LHFPL2: variants seen among roughly 807,000 people sequenced by gnomAD.
The protein encoded by LHFPL2 is LHFPL tetraspan subfamily member 2, also known as LHFPL tetraspan subfamily member 2 protein.
A neutral mutation model predicts 17.5 loss-of-function variants in LHFPL2; 7 were observed. The ratio of observed to expected loss-of-function variants is 0.40; its 90% CI spans 0.23 to 0.75. LHFPL2 has a LOEUF of 0.75. LHFPL2 is among the 30% of genes least tolerant of loss of function. The pLI is 0.37. For synonymous variants in LHFPL2, 134 were observed against 116.2 expected, an observed-to-expected ratio of 1.15 and a Z score of -0.99; for missense variants, 241 against 294.8, an observed-to-expected ratio of 0.82 and a Z score of 1.34.
intron 3 of LHFPL2, among the ~76,000 whole-genome samples, chr5:78,518,516 G>T (rs999870680): frequency 6.6e-6 from 1 of 152,242 alleles, no homozygotes; most frequent in Non-Finnish European, 1.5e-5. Context: ...CTTCAGTGCA[G>T]CTTCCAAAGG....
At chr5:78,512,644 C>CA (rs1207947262) in intron 3 of LHFPL2, among the ~76,000 whole-genome samples, 1 of 152,016 alleles carries the variant, frequency 6.6e-6, no homozygotes, top group African/African-American at 2.4e-5. Flanking sequence ...ACTTTGGGCC[C>CA]ACAGGTGGCA....
chr5:78,574,807 G>C (rs140814056), intron 2 of LHFPL2, among the ~76,000 whole-genome samples: 2 of 152,202 alleles, frequency 1.3e-5, no homozygotes, highest in South Asian at 2.1e-4. Context: ...CTGAGCTTTC[G>C]CTTACATGAA....
At chr5:78,530,874 A>G (rs1000679197) in intron 3 of LHFPL2, among the ~76,000 whole-genome samples, 1 of 152,214 alleles carries the variant, frequency 6.6e-6, no homozygotes, top group Non-Finnish European at 1.5e-5. Context: ...GTGTCCCTTC[A>G]ACTACAAGTT....
chr5:78,548,874 A>G (rs1195377224), intron 3 of LHFPL2, among the ~76,000 whole-genome samples: 1 of 152,248 alleles, frequency 6.6e-6, no homozygotes, highest in African/African-American at 2.4e-5. Context: ...TTTAAACCAG[A>G]AAAGCCTCCT....
rs1169590766 is a variant in LHFPL2, at chr5:78,509,787, C to A, written c.427G>T (p.Ala143Ser). ...FNVCGLLQGI[A>S]GLFLILGLIL... is the part of the protein sequence containing the mutation. ...GCCCGGGGTCCTGCCTTCTTACCTG[C>A]AATTCCTTGCAACAGCCCACAGACA... Residue 143 changes from alanine (A) to serine (S), a missense_variant, in exon 4 of 5, where the codon GCA (alanine) becomes TCA (serine). By Grantham distance (99) the Ala-to-Ser change is moderately conservative (BLOSUM62 1). Coordinates refer to ENST00000380345, the MANE Select transcript of LHFPL2 (RefSeq NM_005779.3). 6.2e-7 allele frequency: 1 copy of A among 1,608,824 alleles called. No individual in the cohort carries two copies. Among genetic ancestry groups the A allele is most frequent in the Admixed American group, 1.7e-5 (1 of 59,888 alleles).
intron 4 of LHFPL2, among the ~76,000 whole-genome samples, chr5:78,495,413 C>G (rs189193374): frequency 1.3e-5 from 2 of 152,278 alleles, no homozygotes; most frequent in East Asian, 3.9e-4. Flanking sequence ...TTTGTTCCTG[C>G]CTGAAAAGGG....
intron 3 of LHFPL2, among the ~76,000 whole-genome samples, chr5:78,544,171 C>T (rs955394613): frequency 3.2e-4 from 48 of 152,202 alleles, no homozygotes; most frequent in Non-Finnish European, 7.3e-5. Flanking sequence ...ATAGTTTGTC[C>T]TCTTACTTGA....
chr5:78,566,475 T>G (rs1756863000), intron 2 of LHFPL2, among the ~76,000 whole-genome samples: 1 of 152,162 alleles, frequency 6.6e-6, no homozygotes, highest in African/African-American at 2.4e-5. Context: ...AAGACTTTTT[T>G]TTTTTTGAGA....
chr5:78,498,419 A>G (rs1754674915), intron 4 of LHFPL2, among the ~76,000 whole-genome samples: 1 of 152,064 alleles, frequency 6.6e-6, no homozygotes, highest in Admixed American at 6.5e-5. Flanking sequence ...TACGTTTTTA[A>G]TCTTTCCCCA....
At chr5:78,582,034 A>G (rs1743165947) in intron 2 of LHFPL2, among the ~76,000 whole-genome samples, 1 of 152,180 alleles carries the variant, frequency 6.6e-6, no homozygotes, top group South Asian at 2.1e-4. Context: ...TGTATGTGTC[A>G]AGGAATTTAT....
At chr5:78,518,829 T>C (rs1047666027) in intron 3 of LHFPL2, among the ~76,000 whole-genome samples, 5 of 152,230 alleles carry the variant, frequency 3.3e-5, no homozygotes, top group African/African-American at 1.2e-4. Flanking sequence ...GAAGAGGGAC[T>C]TATTATTGTA....
At chr5:78,539,053 C>T (rs1477469292) in intron 3 of LHFPL2, among the ~76,000 whole-genome samples, 1 of 152,148 alleles carries the variant, frequency 6.6e-6, no homozygotes, top group Non-Finnish European at 1.5e-5. Context: ...TGCTGAAATC[C>T]CCCACAAAAT....
intron 3 of LHFPL2, among the ~76,000 whole-genome samples, chr5:78,544,823 T>A (rs1025207904): frequency 6.6e-6 from 1 of 150,618 alleles, no homozygotes; most frequent in African/African-American, 2.4e-5. Context: ...GAAATGAACG[T>A]TCCAGCCTGC....
rs977415062 is a variant in LHFPL2 at position 78,648,619 on chromosome 5, G to GGCGGGAGGAGAGCGAGAGGAGA, written c.-492_-471dup. The GGCGGGAGGAGAGCGAGAGGAGA allele has an allele frequency of 3.9e-5, 6 of 152,228 alleles. No individual in the cohort carries two copies. Among genetic ancestry groups the GGCGGGAGGAGAGCGAGAGGAGA allele is most frequent in the Non-Finnish European group, 5.9e-5 (4 of 68,132 alleles). The allele number at this position is 152,228 out of a possible 1,614,324, so 9.4% of individuals were successfully genotyped here. Reference sequence around the variant, plus strand: ...CCGCTGGCCGCGCCTGGAAGAAGGAGGCGGGAGGAGAGCGAGAGGAGAGCG... The same window carrying GGCGGGAGGAGAGCGAGAGGAGA: ...CCGCTGGCCGCGCCTGGAAGAAGGAGGCGGGAGGAGAGCGAGAGGAGAGCGGGAGGAGAGCGAGAGGAGAGCG... On this transcript the variant is annotated 5_prime_UTR_variant, in exon 1 of 5. Coordinates refer to ENST00000380345, the MANE Select transcript of LHFPL2 (RefSeq NM_005779.3). The surrounding 1 kb of genome is among the most constrained non-coding windows in gnomAD (Gnocchi z 5.4).
chr5:78,542,359 G>A (rs1205907340), intron 3 of LHFPL2, among the ~76,000 whole-genome samples: 1 of 152,074 alleles, frequency 6.6e-6, no homozygotes, highest in Non-Finnish European at 1.5e-5. Context: ...AAGCGCCCTT[G>A]TCCCTTTGTC....
chr5:78,510,092 C>G lies in LHFPL2; in HGVS notation c.122G>C (p.Arg41Pro). The change falls in exon 4 of 5, where the codon CGC (arginine) becomes CCC (proline). Residue 41 changes from arginine to proline, a missense_variant. Coordinates refer to ENST00000380345, the MANE Select transcript of LHFPL2 (RefSeq NM_005779.3). ...ADWLIGKARSRGGVEPAGPGG... is the reference protein window; with the variant it reads ...ADWLIGKARSPGGVEPAGPGG... ...CGGGCCCGCCGGCTCCACGCCGCCGCGGCTCCTCGCTTTCCCGATCAGCCA... is the reference window on the plus strand; with the variant it reads ...CGGGCCCGCCGGCTCCACGCCGCCGGGGCTCCTCGCTTTCCCGATCAGCCA... 1 of 1,612,722 alleles carries G rather than the reference C, an allele frequency of 6.2e-7. No individual in the cohort carries two copies. Among genetic ancestry groups the G allele is most frequent in the Non-Finnish European group, 8.5e-7 (1 of 1,179,426 alleles).
intron 3 of LHFPL2, among the ~76,000 whole-genome samples, chr5:78,562,905 G>A (rs1756767339): frequency 6.6e-6 from 1 of 152,220 alleles, no homozygotes; most frequent in Admixed American, 6.5e-5. Context: ...GATTAAACAG[G>A]CCAGTCTGGC....
intron 3 of LHFPL2, among the ~76,000 whole-genome samples, chr5:78,546,894 A>T (rs1756293124): frequency 6.6e-6 from 1 of 152,174 alleles, no homozygotes; most frequent in Non-Finnish European, 1.5e-5. Flanking sequence ...TTTTATTAGA[A>T]GTCAGTCCTC....
Position 78,536,316 on chromosome 5 carries a change from T to C in LHFPL2, c.-185-25918A>G, listed in dbSNP as rs548152564. Reference sequence around the variant, plus strand: ...GCCGGGCGCCCAGAAAAAAGACCCATCCAGAGGAAAGCCCTCCAAGAAAAT... The same window carrying C: ...GCCGGGCGCCCAGAAAAAAGACCCACCCAGAGGAAAGCCCTCCAAGAAAAT... On this transcript the variant is annotated intron_variant, in intron 3 of 4. Coordinates refer to ENST00000380345, the MANE Select transcript of LHFPL2 (RefSeq NM_005779.3). Among the ~76,000 whole-genome samples, 4 of 152,216 alleles carry C rather than the reference T, an allele frequency of 2.6e-5. No homozygotes were observed. The South Asian group carries it at 8.3e-4, about 32-fold the overall frequency.
Sources: gnomAD v4.1 joint callset for allele counts (sites outside exome capture counted in the v4.1 genomes callset) on GRCh38, gnomAD v4.1.1 for gene constraint, Gnocchi (gnomAD v3.1) non-coding constraint, MANE v1.5 for transcripts, NCBI Gene and HGNC (gene_info 2026-07-23, HGNC 2026-07-21) for gene names.